DPY19L2: variants seen among roughly 807,000 people sequenced by gnomAD.
The protein encoded by DPY19L2 is dpy-19 like 2.
In DPY19L2, 34 loss-of-function variants were observed where a neutral mutation model predicts 97.9. That is an observed-to-expected ratio of 0.35 (90% CI 0.26 to 0.46). The LOEUF (loss-of-function observed/expected upper bound fraction) is 0.46. Among genes scored for constraint, DPY19L2 ranks in the 20% least tolerant of loss-of-function variants. The probability of loss-of-function intolerance (pLI) is 1.00; values close to 1 mark genes in which losing one functional copy is unlikely to be tolerated. For missense variants in DPY19L2, 623 were observed against 911.4 expected, an observed-to-expected ratio of 0.68 and a Z score of 4.07; for synonymous variants, 230 against 307.9, an observed-to-expected ratio of 0.75 and a Z score of 2.65.
intron 1 of DPY19L2, among the ~76,000 whole-genome samples, chr12:63,666,824 C>T (rs1896396649): frequency 6.6e-6 from 1 of 152,102 alleles, no homozygotes; most frequent in Non-Finnish European, 1.5e-5. Flanking sequence ...TTATGGTTAT[C>T]CTAAATATAC....
intron 16 of DPY19L2, 44 bp from the exon 17 acceptor site, chr12:63,583,880 A>C: frequency 6.7e-7 from 1 of 1,496,842 alleles, no homozygotes; most frequent in South Asian, 1.2e-5. Context: ...AAGGTCTTTT[A>C]TACTATGAAT....
At chr12:63,579,048 C>G (rs1372724673) in intron 19 of DPY19L2, among the ~76,000 whole-genome samples, 9 of 152,114 alleles carry the variant, frequency 5.9e-5, no homozygotes, top group Admixed American at 2.6e-4. Context: ...GCTGGACCCA[C>G]TGAGTTGTCA....
intron 12 of DPY19L2, among the ~76,000 whole-genome samples, chr12:63,604,079 T>C (rs1339397814): frequency 6.6e-6 from 1 of 152,206 alleles, no homozygotes; most frequent in Non-Finnish European, 1.5e-5. Flanking sequence ...TTAATTTTCA[T>C]TGATTAGAGA....
chr12:63,632,015 C>T (rs1474323564), intron 6 of DPY19L2, among the ~76,000 whole-genome samples: 277 of 152,190 alleles, frequency 1.8e-3, no homozygotes, highest in Admixed American at 4.1e-3. Context: ...AATTCAACAA[C>T]CCCTCATGCT....
At chr12:63,581,935 G>A (rs1240254046) in intron 18 of DPY19L2, among the ~76,000 whole-genome samples, 1 of 150,856 alleles carries the variant, frequency 6.6e-6, no homozygotes, top group South Asian at 2.1e-4. Flanking sequence ...CAGGTAGCTG[G>A]AATTACAGGC....
chr12:63,600,407 C>G (rs1884940849), intron 12 of DPY19L2, 21 bp from the exon 13 acceptor site: 1 of 1,496,308 alleles, frequency 6.7e-7, no homozygotes, highest in Admixed American at 1.7e-5. Flanking sequence ...AAATAGAAGT[C>G]CAGTATTTAA....
rs183291953 is a variant in DPY19L2 at position 63,578,269 on chromosome 12, C to T, written c.1900+2393G>A. Among the ~76,000 whole-genome samples, 10 of 151,372 alleles carry T rather than the reference C, an allele frequency of 6.6e-5. No individual in the cohort carries two copies. In the East Asian group the frequency reaches 1.7e-3, roughly 26 times the overall value. On this transcript the variant is annotated intron_variant, in intron 19 of 21. Transcript: ENST00000324472. ...GGAGCTAAAAATTAAAAGAGTTGAA[C>T]TCATGGAGATCAAGAATAGAATGAT...
intron 12 of DPY19L2, among the ~76,000 whole-genome samples, chr12:63,606,073 T>A (rs1467254234): frequency 6.6e-6 from 1 of 152,178 alleles, no homozygotes; most frequent in East Asian, 1.9e-4. Context: ...TTTAAAAAAA[T>A]ATGTTTTCTG....
intron 21 of DPY19L2, among the ~76,000 whole-genome samples, chr12:63,562,197 C>T (rs1876676880): frequency 6.6e-6 from 1 of 152,130 alleles, no homozygotes; most frequent in Non-Finnish European, 1.5e-5. Context: ...ACTTGTAAAA[C>T]AGCAGCCACA....
intron 6 of DPY19L2, among the ~76,000 whole-genome samples, chr12:63,628,231 G>A (rs537050309): frequency 6.6e-6 from 1 of 152,270 alleles, no homozygotes; most frequent in African/African-American, 2.4e-5. Context: ...AGGACAGTGG[G>A]TGCAGCGCAC....
At chr12:63,584,726 C>T (rs1881486537) in intron 16 of DPY19L2, among the ~76,000 whole-genome samples, 4 of 152,064 alleles carry the variant, frequency 2.6e-5, no homozygotes, top group Non-Finnish European at 4.4e-5. Flanking sequence ...TTAATAATGG[C>T]CCCAAAGTTC....
At chr12:63,585,985 A>C (rs1357767687) in intron 16 of DPY19L2, among the ~76,000 whole-genome samples, 3 of 152,168 alleles carry the variant, frequency 2.0e-5, no homozygotes, top group Non-Finnish European at 4.4e-5. Flanking sequence ...AGTATTAAAG[A>C]CTCAGTGATG....
intron 19 of DPY19L2, among the ~76,000 whole-genome samples, chr12:63,578,538 T>C (rs1880297071): frequency 6.6e-6 from 1 of 152,092 alleles, no homozygotes; most frequent in South Asian, 2.1e-4. Flanking sequence ...GATTACACAT[T>C]GTATGCCTGT....
intron 6 of DPY19L2, among the ~76,000 whole-genome samples, chr12:63,627,070 C>T (rs774324109): frequency 6.6e-6 from 1 of 152,138 alleles, no homozygotes; most frequent in Admixed American, 6.6e-5. Flanking sequence ...AGCCACTGTG[C>T]CCAGCCACAT....
In DPY19L2 at chr12:63,560,463, TG is replaced by T; in HGVS notation, c.*48del. On this transcript the variant is annotated 3_prime_UTR_variant, in exon 22 of 22. Transcript: ENST00000324472. ...TAATGTGAATAAGCCAAAGGGTGAT[TG>T]TTTTTGACACACGGCATTGTGCCAT... 1 of 1,581,920 alleles carries T rather than the reference TG, an allele frequency of 6.3e-7. No individual in the cohort carries two copies. The highest frequency in any genetic ancestry group is 1.3e-5 in the African/African-American group (1 of 74,352).
intron 11 of DPY19L2, among the ~76,000 whole-genome samples, chr12:63,615,714 T>C (rs896255393): frequency 2.6e-5 from 4 of 152,178 alleles, no homozygotes; most frequent in African/African-American, 9.6e-5. Context: ...GGAAAGTTAC[T>C]ATCATAGCAG....
chr12:63,604,495 T>C (rs560949063), intron 12 of DPY19L2, among the ~76,000 whole-genome samples: 52 of 152,228 alleles, frequency 3.4e-4, no homozygotes, highest in Non-Finnish European at 5.6e-4. Context: ...TTAGATCTTT[T>C]GTTACTACAC....
chr12:63,650,621 T>C (rs1894072079), intron 4 of DPY19L2, among the ~76,000 whole-genome samples: 1 of 152,100 alleles, frequency 6.6e-6, no homozygotes, highest in African/African-American at 2.4e-5. Context: ...TACCTAGGAA[T>C]ACAGCTAATT....
chr12:63,649,103 G>A (rs899854169), intron 4 of DPY19L2, among the ~76,000 whole-genome samples: 1 of 152,004 alleles, frequency 6.6e-6, no homozygotes, highest in Non-Finnish European at 1.5e-5. Flanking sequence ...AGAAATTAAG[G>A]TAGAAATCAA....
Sources: allele counts gnomAD v4.1 joint callset (sites outside exome capture counted in the v4.1 genomes callset), GRCh38; gene constraint gnomAD v4.1.1; transcripts MANE v1.5; gene names NCBI Gene and HGNC (gene_info 2026-07-23, HGNC 2026-07-21).